The following MTFR1 variants were observed in gnomAD, a reference collection of about 807,000 sequenced individuals.
MTFR1 encodes chondrocyte protein with a poly-proline region.
A neutral mutation model predicts 38.8 loss-of-function variants in MTFR1; 28 were observed. The observed-to-expected ratio is 0.72, with a 90% CI of 0.53 to 0.99. The LOEUF (loss-of-function observed/expected upper bound fraction) is 0.99. MTFR1 is among the 50% of genes least tolerant of loss of function. The probability of loss-of-function intolerance (pLI) is 0.00; values close to 1 mark genes in which losing one functional copy is unlikely to be tolerated. For missense variants in MTFR1, 358 were observed against 395.5 expected (o/e 0.91, Z 0.81); for synonymous variants, 145 against 137.0 (o/e 1.06, Z -0.41).
At chr8:65,746,491 A>G (rs1807683586) in intron 3 of MTFR1, among the ~76,000 whole-genome samples, 1 of 152,178 alleles carries the variant, frequency 6.6e-6, no homozygotes, top group Non-Finnish European at 1.5e-5. Flanking sequence ...ATTAACTTTT[A>G]GGATAATGTG....
At chr8:65,762,448 T>G (rs1001244696) in intron 3 of MTFR1, among the ~76,000 whole-genome samples, 4 of 152,270 alleles carry the variant, frequency 2.6e-5, no homozygotes, top group African/African-American at 9.6e-5. Flanking sequence ...GCAAAGTACA[T>G]GAGAACACAG....
At chr8:65,730,017 GT>G (rs1388880523) in intron 3 of MTFR1, among the ~76,000 whole-genome samples, 1 of 151,886 alleles carries the variant, frequency 6.6e-6, no homozygotes, top group Non-Finnish European at 1.5e-5. Context: ...TCCATGGCCT[GT>G]TAGGAACCTG....
chr8:65,689,988 A>C (rs1323106440), intron 3 of MTFR1, among the ~76,000 whole-genome samples: 1 of 152,192 alleles, frequency 6.6e-6, no homozygotes, highest in Non-Finnish European at 1.5e-5. Flanking sequence ...CATATTATGG[A>C]CTTGGTATCA....
chr8:65,725,148 G>C (rs1443675875), intron 3 of MTFR1, among the ~76,000 whole-genome samples: 1 of 151,918 alleles, frequency 6.6e-6, no homozygotes, highest in African/African-American at 2.4e-5. Flanking sequence ...ATACCAATAT[G>C]CAAACATTCC....
At chr8:65,659,541 T>C (rs541199889) in intron 1 of MTFR1, among the ~76,000 whole-genome samples, 1 of 151,796 alleles carries the variant, frequency 6.6e-6, no homozygotes, top group African/African-American at 2.4e-5. Context: ...CTTGCAAATA[T>C]TTTTCTAAAT....
In MTFR1 at chr8:65,708,984, A is replaced by G. The variant is rs773557894; in HGVS notation, c.942A>G (p.Pro314=). The G allele has an allele frequency of 6.2e-7, 1 of 1,613,954 alleles. No individual in the cohort carries two copies. Among genetic ancestry groups the G allele is most frequent in the East Asian group, 2.2e-5 (1 of 44,882 alleles). The change falls in exon 8 of 8, where the codon CCA becomes CCG. Residue 314 remains proline, a synonymous_variant. Transcript: ENST00000262146. The stretch of plus-strand genomic sequence containing the variant: ...TTTTTGTTTGTTTCTAGTTTGGGCC[A>G]CACATGTTGAAGCCAACAGGAAAAA... The part of the protein sequence containing the change: ...EATSERVLFG[P]HMLKPTGKMK...
intron 2 of MTFR1, chr8:65,719,212 T>C: frequency 1.1e-6 from 1 of 943,494 alleles, no homozygotes; most frequent in Non-Finnish European, 1.7e-6. Flanking sequence ...AGTCAAGAGT[T>C]AAGTTCTCTC....
At chr8:65,723,551 G>T (rs1806480805) in intron 3 of MTFR1, 1 of 1,575,194 alleles carries the variant, frequency 6.3e-7, no homozygotes, top group South Asian at 1.2e-5. Flanking sequence ...CAATCTGGAT[G>T]TTGGCAATAG....
intron 4 of MTFR1, among the ~76,000 whole-genome samples, chr8:65,702,484 G>C (rs113747163): frequency 0.11 from 16,650 of 151,930 alleles, 1,134 homozygotes; most frequent in Middle Eastern, 0.17. Context: ...ACTTTTAGTA[G>C]AGATGGGGTT....
intron 3 of MTFR1, chr8:65,727,607 T>A (rs1376739547): frequency 4.4e-6 from 1 of 227,884 alleles, no homozygotes; most frequent in Non-Finnish European, 8.5e-6. Flanking sequence ...ACCGTTCTTT[T>A]TGAGAAATAA....
At chr8:65,670,261 A>G (rs1804532104) in intron 2 of MTFR1, among the ~76,000 whole-genome samples, 2 of 152,174 alleles carry the variant, frequency 1.3e-5, no homozygotes, top group Non-Finnish European at 2.9e-5. Context: ...AGAGCAATAT[A>G]TTTGTTATTA....
rs753757740 is a variant in MTFR1, at chr8:65,709,048, A to C, written c.*4A>C. The C allele has an allele frequency of 6.2e-7, 1 of 1,613,824 alleles. No individual in the cohort carries two copies. Among genetic ancestry groups the C allele is most frequent in the Non-Finnish European group, 8.5e-7 (1 of 1,179,730 alleles). On this transcript the variant is annotated 3_prime_UTR_variant, in exon 8 of 8. Coordinates refer to ENST00000262146, the MANE Select transcript of MTFR1 (RefSeq NM_014637.4). ...TGAAAATGTATCAGACTCCTAATAG[A>C]CAATGAGCTGCGAAAAGACTCCTGG...
intron 2 of MTFR1, among the ~76,000 whole-genome samples, chr8:65,673,333 A>G (rs1419973502): frequency 6.6e-6 from 1 of 151,962 alleles, no homozygotes; most frequent in Admixed American, 6.6e-5. Context: ...CCCCAAAACA[A>G]TTAAAGTAGT....
intron 3 of MTFR1, among the ~76,000 whole-genome samples, chr8:65,742,949 G>A (rs911913393): frequency 3.3e-5 from 5 of 152,238 alleles, no homozygotes; most frequent in Non-Finnish European, 7.3e-5. Flanking sequence ...GTTAACTACT[G>A]TGGACTGCTG....
chr8:65,690,883 G>A (rs551836899), intron 3 of MTFR1, among the ~76,000 whole-genome samples: 1 of 152,254 alleles, frequency 6.6e-6, no homozygotes, highest in East Asian at 1.9e-4. Flanking sequence ...AGGGCTTGGG[G>A]AACATTCCTG....
intron 3 of MTFR1, among the ~76,000 whole-genome samples, chr8:65,767,161 A>T (rs1198212128): frequency 6.6e-6 from 1 of 152,220 alleles, no homozygotes; most frequent in Non-Finnish European, 1.5e-5. Context: ...ACACCAACAC[A>T]GGATTGCATG....
At chr8:65,760,255 T>C (rs1808427756) in intron 3 of MTFR1, among the ~76,000 whole-genome samples, 1 of 152,082 alleles carries the variant, frequency 6.6e-6, no homozygotes, top group South Asian at 2.1e-4. Flanking sequence ...AAAACAAAAA[T>C]GTATCTATTA....
intron 3 of MTFR1, among the ~76,000 whole-genome samples, chr8:65,743,291 T>C (rs911762360): frequency 6.6e-6 from 1 of 152,160 alleles, no homozygotes; most frequent in Non-Finnish European, 1.5e-5. Flanking sequence ...TACCTGTATT[T>C]TCAAAAAGGA....
intron 3 of MTFR1, among the ~76,000 whole-genome samples, chr8:65,769,056 T>A (rs1808940799): frequency 6.6e-6 from 1 of 152,054 alleles, no homozygotes; most frequent in South Asian, 2.1e-4. Flanking sequence ...AAGACCAGCC[T>A]GGCCAACATG....
Sources: allele counts gnomAD v4.1 joint callset (sites outside exome capture counted in the v4.1 genomes callset), GRCh38; gene constraint gnomAD v4.1.1; transcripts MANE v1.5; gene names NCBI Gene and HGNC (gene_info 2026-07-23, HGNC 2026-07-21).